Variants in GPC6 observed in about 807,000 individuals in gnomAD.
GPC6 encodes the protein glypican-6.
A neutral mutation model predicts 55.2 loss-of-function variants in GPC6; 14 were observed. The ratio of observed to expected loss-of-function variants is 0.25; its 90% confidence interval spans 0.17 to 0.40. The LOEUF (loss-of-function observed/expected upper bound fraction) is 0.40. GPC6 is among the 10% of genes least tolerant of loss of function. GPC6 has a pLI of 1.00. For synonymous variants in GPC6, 278 were observed against 259.6 expected (o/e 1.07, Z -0.68); for missense variants, 641 against 708.5 (o/e 0.90, Z 1.08).
At chr13:93,315,875 T>C (rs1331066842) in intron 1 of GPC6, among the ~76,000 whole-genome samples, 2 of 152,038 alleles carry the variant, frequency 1.3e-5, no homozygotes, top group African/African-American at 2.4e-5. Flanking sequence ...GTTGATGACA[T>C]ATATGAGCAA....
intron 2 of GPC6, among the ~76,000 whole-genome samples, chr13:93,569,619 T>A (rs953407881): frequency 2.0e-5 from 3 of 152,034 alleles, no homozygotes; most frequent in African/African-American, 7.2e-5. Context: ...TCTAGCAATT[T>A]GTTTCCCTAA....
chr13:93,705,001 A>G lies in GPC6; in HGVS notation c.320-125153A>G, dbSNP rs1239957166. Among the ~76,000 whole-genome samples, 3 of 151,902 alleles carry G rather than the reference A, an allele frequency of 2.0e-5. No individual in the cohort carries two copies. The East Asian group carries it at 5.8e-4, about 30-fold the overall frequency. ...CCTGTTCCTTGGCCTGAGCACTTAG[A>G]TTACACCTGTATTTGCATACGTGGT... On this transcript the variant is annotated intron_variant, in intron 2 of 8. Transcript: ENST00000377047.
intron 2 of GPC6, among the ~76,000 whole-genome samples, chr13:93,774,392 T>C (rs1885395133): frequency 6.6e-6 from 1 of 152,158 alleles, no homozygotes; most frequent in South Asian, 2.1e-4. Context: ...ACTGGAATAT[T>C]AGGGACCATA....
At chr13:93,615,616 A>G (rs1271733838) in intron 2 of GPC6, among the ~76,000 whole-genome samples, 1 of 152,236 alleles carries the variant, frequency 6.6e-6, no homozygotes, top group East Asian at 1.9e-4. Context: ...CACCTGAACT[A>G]TTTATTCACA....
chr13:94,226,697 G>T (rs1890570634), intron 4 of GPC6, among the ~76,000 whole-genome samples: 1 of 152,096 alleles, frequency 6.6e-6, no homozygotes, highest in African/African-American at 2.4e-5. Flanking sequence ...GAACCTTCTG[G>T]AATGTAGCCC....
intron 2 of GPC6, among the ~76,000 whole-genome samples, chr13:93,781,431 A>T (rs1885648596): frequency 6.6e-6 from 1 of 152,230 alleles, no homozygotes; most frequent in African/African-American, 2.4e-5. Flanking sequence ...AACAAGCAAG[A>T]TGCCCAAGTT....
intron 3 of GPC6, among the ~76,000 whole-genome samples, chr13:93,869,135 A>C (rs956549680): frequency 6.6e-6 from 1 of 151,822 alleles, no homozygotes; most frequent in African/African-American, 2.4e-5. Context: ...CATCTGCTTC[A>C]AGTCCCTTTC....
intron 1 of GPC6, among the ~76,000 whole-genome samples, chr13:93,342,659 G>T (rs73542828): frequency 0.019 from 2,851 of 152,208 alleles, 83 homozygotes; most frequent in African/African-American, 0.058. Context: ...ATGGTGGGTT[G>T]GACTAGTATA....
intron 2 of GPC6, among the ~76,000 whole-genome samples, chr13:93,801,718 T>G (rs1471111419): frequency 6.6e-6 from 1 of 152,208 alleles, no homozygotes; most frequent in African/African-American, 2.4e-5. Context: ...TGTTTCATGT[T>G]GGTTTATTGA....
At chr13:94,022,140 A>C (rs1882720130) in intron 3 of GPC6, among the ~76,000 whole-genome samples, 1 of 152,084 alleles carries the variant, frequency 6.6e-6, no homozygotes, top group Non-Finnish European at 1.5e-5. Context: ...AATACAGTAC[A>C]CTAGTGTTAA....
intron 2 of GPC6, among the ~76,000 whole-genome samples, chr13:93,804,830 C>T (rs1886493128): frequency 6.6e-6 from 1 of 152,152 alleles, no homozygotes; most frequent in South Asian, 2.1e-4. Context: ...GTAATAGCTG[C>T]ATGACGTTGG....
rs561274328 is a variant in GPC6, at chr13:94,015,591, G to T, written c.712-12138G>T. On this transcript the variant is annotated intron_variant, in intron 3 of 8. Transcript: ENST00000377047. Reference sequence around the variant, plus strand: ...ACTAAGAATTCATTCTTAAATCCAAGATCATCAAGATTTACCCCATATGTT... The same window carrying T: ...ACTAAGAATTCATTCTTAAATCCAATATCATCAAGATTTACCCCATATGTT... Among the ~76,000 whole-genome samples, 6 of 150,682 alleles carry T rather than the reference G, an allele frequency of 4.0e-5. No individual in the cohort carries two copies. The South Asian group carries it at 1.2e-3, about 31-fold the overall frequency.
intron 3 of GPC6, among the ~76,000 whole-genome samples, chr13:93,899,148 C>G (rs757059982): frequency 6.6e-6 from 1 of 151,548 alleles, no homozygotes; most frequent in Admixed American, 6.6e-5. Context: ...GTTATTCGGC[C>G]ATTTAATCAT....
intron 7 of GPC6, among the ~76,000 whole-genome samples, chr13:94,384,812 C>A (rs1439365149): frequency 2.0e-5 from 3 of 152,158 alleles, no homozygotes; most frequent in Non-Finnish European, 4.4e-5. Context: ...AAGCAAACAA[C>A]AGCTAAATAC....
intron 1 of GPC6, among the ~76,000 whole-genome samples, chr13:93,400,924 G>C (rs1876046895): frequency 6.6e-6 from 1 of 152,082 alleles, no homozygotes; most frequent in Non-Finnish European, 1.5e-5. Context: ...AGAATTACTT[G>C]AGAGGGTGGG....
At chr13:93,947,335 A>C (rs1879054927) in intron 3 of GPC6, among the ~76,000 whole-genome samples, 1 of 152,186 alleles carries the variant, frequency 6.6e-6, no homozygotes, top group African/African-American at 2.4e-5. Flanking sequence ...TAAATTCATG[A>C]AAGAAAATGT....
intron 3 of GPC6, among the ~76,000 whole-genome samples, chr13:93,846,785 G>C (rs758217503): frequency 3.9e-5 from 6 of 152,186 alleles, no homozygotes; most frequent in Non-Finnish European, 8.8e-5. Flanking sequence ...TTGCACTCCA[G>C]CCTCAAATTT....
intron 2 of GPC6, among the ~76,000 whole-genome samples, chr13:93,666,015 T>A (rs865918126): frequency 6.6e-6 from 1 of 152,126 alleles, no homozygotes; most frequent in Non-Finnish European, 1.5e-5. Context: ...ATGTAAAGAT[T>A]GAAAAATTAA....
At chr13:93,542,747 G>A (rs931102061) in intron 1 of GPC6, among the ~76,000 whole-genome samples, 1 of 152,140 alleles carries the variant, frequency 6.6e-6, no homozygotes, top group African/African-American at 2.4e-5. Context: ...CACGTCCCTT[G>A]TAAGTTGGAT....
Sources: allele counts gnomAD v4.1 joint callset (sites outside exome capture counted in the v4.1 genomes callset), GRCh38; gene constraint gnomAD v4.1.1; transcripts MANE v1.5; gene names NCBI Gene and HGNC (gene_info 2026-07-23, HGNC 2026-07-21).